Variants in TSR1 observed in about 807,000 individuals in gnomAD.
TSR1 encodes TSR1 ribosome maturation factor.
In TSR1, 81 loss-of-function variants were observed where a neutral mutation model predicts 90.9. The observed-to-expected ratio is 0.89, with a 90% CI of 0.74 to 1.07. The LOEUF (loss-of-function observed/expected upper bound fraction) is 1.07. Among genes scored for constraint, TSR1 ranks in the 50% least tolerant of loss-of-function variants. TSR1 has a pLI of 0.00. For missense variants in TSR1, 989 were observed against 987.3 expected (o/e 1.00, Z -0.02); for synonymous variants, 362 against 348.8 (o/e 1.04, Z -0.42).
intron 7 of TSR1, 82 bp from the exon 8 acceptor site, chr17:2,332,441 A>T: frequency 8.6e-7 from 1 of 1,165,580 alleles, no homozygotes; most frequent in Non-Finnish European, 1.2e-6. Context: ...GAGTAAAATA[A>T]TTGTACTAGA....
rs2075555726 is a variant in TSR1 at position 2,323,808 on chromosome 17, A to C, written c.*388T>G. 7 of 1,614,004 alleles carry C rather than the reference A, an allele frequency of 4.3e-6. No homozygotes were observed. The highest frequency in any genetic ancestry group is 5.9e-6 in the Non-Finnish European group (7 of 1,180,040). ...GCTCAGTGGTGGAAATGTAGACTTA[A>C]CCTCCTCCATAACTTGGGTGAAGCA... is the stretch of plus-strand genomic sequence containing the variant. On this transcript the variant is annotated 3_prime_UTR_variant, in exon 15 of 15. Coordinates refer to ENST00000301364, the MANE Select transcript of TSR1 (RefSeq NM_018128.5).
chr17:2,323,798 T>G lies in TSR1; in HGVS notation c.*398A>C, dbSNP rs1249722026. On this transcript the variant is annotated 3_prime_UTR_variant, in exon 15 of 15. Transcript: ENST00000301364. ...TTTGTATTGTGCTCAGTGGTGGAAATGTAGACTTAACCTCCTCCATAACTT... is the reference window on the plus strand; with the variant it reads ...TTTGTATTGTGCTCAGTGGTGGAAAGGTAGACTTAACCTCCTCCATAACTT... 1 of 1,614,182 alleles carries G rather than the reference T, an allele frequency of 6.2e-7. No individual in the cohort carries two copies. The highest frequency in any genetic ancestry group is 2.2e-5 in the East Asian group (1 of 44,882).
chr17:2,325,643 G>A lies in TSR1; in HGVS notation c.1904-223C>T, dbSNP rs187393945. Among the ~76,000 whole-genome samples the A allele has an allele frequency of 7.8e-4, 117 of 149,154 alleles. 1 individual carries two copies. Among genetic ancestry groups the A allele is most frequent in the Non-Finnish European group, 1.4e-3 (92 of 67,554 alleles). On this transcript the variant is annotated intron_variant, in intron 11 of 14. Coordinates refer to ENST00000301364, the MANE Select transcript of TSR1 (RefSeq NM_018128.5). ...TTCTTTTTTTTTGAGTTTGAGTATC[G>A]TTCCTGTCACCCAGGCTGGAATGCA...
chr17:2,324,335 A>C lies in TSR1; in HGVS notation c.2276T>G (p.Leu759Arg), dbSNP rs201986401. 3.8e-4 allele frequency: 592 copies of C among 1,564,064 alleles called. No homozygotes were observed. The highest frequency in any genetic ancestry group is 4.5e-4 in the Non-Finnish European group (517 of 1,158,828). ...CATCAGTACTGTGTCTTGAGATTTT[A>C]GCTTCCCATCAAAGCTGCATTTCAT... The part of the protein sequence containing the change: ...GHMKCSFDGK[L>R]KSQDTVLMNL... The change falls in exon 15 of 15, where the codon CTA (leucine) becomes CGA (arginine). Residue 759 changes from leucine to arginine, a missense_variant. By Grantham distance (102) the Leu-to-Arg change is moderately radical (BLOSUM62 -2). Coordinates refer to ENST00000301364, the MANE Select transcript of TSR1 (RefSeq NM_018128.5).
At position 2,322,731 on chromosome 17, in the gene TSR1, T is replaced by C. The variant is rs770586229; in HGVS notation, c.*1465A>G. ...CGGGGTTTCACCGTGTTAGCCAGGA[T>C]GGTCTTGATCTCCCTACCTCGTGAT... On this transcript the variant is annotated 3_prime_UTR_variant, in exon 15 of 15. Transcript: ENST00000301364. 49 of 172,180 alleles carry C rather than the reference T, an allele frequency of 2.8e-4. No individual in the cohort carries two copies. The highest frequency in any genetic ancestry group is 5.9e-4 in the Non-Finnish European group (48 of 80,814). The allele number at this position is 172,180 out of a possible 1,614,324, so 10.7% of individuals were successfully genotyped here.
Position 2,334,390 on chromosome 17 carries a change from T to C in TSR1, c.981+82A>G, listed in dbSNP as rs2064029603. 1.5e-5 allele frequency: 22 copies of C among 1,425,954 alleles called. No homozygotes were observed. In the South Asian group the frequency reaches 1.8e-4, roughly 12 times the overall value. The allele number at this position is 1,425,954 out of a possible 1,614,324, so 88.3% of individuals were successfully genotyped here. A position where few individuals can be genotyped will look rare whatever the true frequency, so the allele number is the denominator to read the frequency against. On this transcript the variant is annotated intron_variant, in intron 5 of 14. Transcript: ENST00000301364. ...CTAGCAGTCTCCTCATTCACCTAAG[T>C]GTACAGACTATCTTCTCTGAATTTA...
At chr17:2,331,448 A>G (rs151309469) in intron 8 of TSR1, among the ~76,000 whole-genome samples, 48 of 152,258 alleles carry the variant, frequency 3.2e-4, no homozygotes, top group African/African-American at 1.2e-3. Flanking sequence ...AGGTTTTCTC[A>G]TGAGTGGGTT....
chr17:2,334,993 C>A, intron 4 of TSR1, 97 bp from the exon 5 acceptor site: 1 of 1,343,474 alleles, frequency 7.4e-7, no homozygotes, highest in East Asian at 2.3e-5. Context: ...GTTGCAAGCC[C>A]AGAGATCACT....
At chr17:2,330,114 C>T (rs2075596192) in intron 10 of TSR1, 2 of 370,446 alleles carry the variant, frequency 5.4e-6, no homozygotes, top group Non-Finnish European at 5.3e-6. Flanking sequence ...AGACAGGGTT[C>T]CTCCATGTTG....
chr17:2,335,702 C>A lies in TSR1; in HGVS notation c.230G>T (p.Gly77Val). The change falls in exon 3 of 15, where the codon GGC (glycine) becomes GTC (valine). Residue 77 changes from glycine to valine, a missense_variant. Transcript: ENST00000301364. ...AVLAEKRQLG[G>V]KDGPPHQVLV... The stretch of plus-strand genomic sequence containing the variant: ...TACCTGATGAGGAGGGCCATCCTTG[C>A]CACCCAGCTGTCTCTTCTCTGCCAG... The A allele has an allele frequency of 6.2e-7, 1 of 1,613,584 alleles. No individual in the cohort carries two copies. The highest frequency in any genetic ancestry group is 1.3e-5 in the African/African-American group (1 of 75,034).
Position 2,335,341 on chromosome 17 carries a change from G to A in TSR1, c.475C>T (p.Leu159Phe), listed in dbSNP as rs557649060. 1 of 1,613,844 alleles carries A rather than the reference G, an allele frequency of 6.2e-7. No homozygotes were observed. The highest frequency in any genetic ancestry group is 2.2e-5 in the East Asian group (1 of 44,860). The change falls in exon 4 of 15, where the codon CTC (leucine) becomes TTC (phenylalanine). Residue 159 changes from leucine (L) to phenylalanine (F), a missense_variant. Physicochemically the swap from Leu to Phe is conservative, Grantham distance 22 (BLOSUM62 0). Transcript: ENST00000301364. Reference sequence around the variant, plus strand: ...TCCCAGCCTTCTAGTGGATCAAGGAGGAACAGGATGGTATCAGCTACTTTA... The same window carrying A: ...TCCCAGCCTTCTAGTGGATCAAGGAAGAACAGGATGGTATCAGCTACTTTA... ...MAKVADTILF[L>F]LDPLEGWDST...
chr17:2,324,835 G>C lies in TSR1; in HGVS notation c.2021-6C>G, dbSNP rs2075565645. 6.9e-6 allele frequency: 11 copies of C among 1,601,952 alleles called. No homozygotes were observed. The East Asian group carries it at 2.5e-4, about 36-fold the overall frequency. Reference sequence around the variant, plus strand: ...AGCAATGAGGCTGTGCATTCCTAAAGGACAAAAGCAAAGAAGCTATTTAGG... The same window carrying C: ...AGCAATGAGGCTGTGCATTCCTAAACGACAAAAGCAAAGAAGCTATTTAGG... On this transcript the variant is annotated splice_polypyrimidine_tract_variant and splice_region_variant and intron_variant, in intron 12 of 14. Coordinates refer to ENST00000301364, the MANE Select transcript of TSR1 (RefSeq NM_018128.5).
chr17:2,323,077 T>C lies in TSR1; in HGVS notation c.*1119A>G, dbSNP rs1293276820. 2.6e-6 allele frequency: 4 copies of C among 1,556,324 alleles called. No homozygotes were observed. The highest frequency in any genetic ancestry group is 2.7e-5 in the African/African-American group (2 of 73,674). ...ACCACACCAGGCCCATATTTTCTTT[T>C]AGACATGCAGGCAATGTTGTGGTTT... On this transcript the variant is annotated 3_prime_UTR_variant, in exon 15 of 15. Coordinates refer to ENST00000301364, the MANE Select transcript of TSR1 (RefSeq NM_018128.5).
chr17:2,330,189 GGGATTACAGGCGTGAGCC>G, intron 10 of TSR1: 3 of 471,808 alleles, frequency 6.4e-6, no homozygotes, highest in Non-Finnish European at 1.3e-5. Context: ...AAAAAGTGCT[GGGATTACAGGCGTGAGCC>G]GCCGCGCCCA....
In TSR1 at chr17:2,333,100, A is replaced by T; in HGVS notation, c.1166T>A (p.Val389Glu). ...TGTTCCTTTGGGGACCTTCTTTACC[A>T]CCTTAGAACTTTCCTTCAAGAAATC... ...AKDFLKESSK[V>E]VKKVPKGTSS... The change falls in exon 7 of 15, where the codon GTG (valine) becomes GAG (glutamate). Residue 389 changes from valine to glutamate, a missense_variant. Coordinates refer to ENST00000301364, the MANE Select transcript of TSR1 (RefSeq NM_018128.5). The T allele has an allele frequency of 6.2e-7, 1 of 1,612,942 alleles. No homozygotes were observed. The highest frequency in any genetic ancestry group is 8.5e-7 in the Non-Finnish European group (1 of 1,179,604).
At chr17:2,329,922 CTT>C (rs879573174) in intron 10 of TSR1, among the ~76,000 whole-genome samples, 6 of 146,338 alleles carry the variant, frequency 4.1e-5, no homozygotes, top group African/African-American at 2.5e-5. Context: ...TTGGCATAAA[CTT>C]TTTTTTTTTT....
Position 2,323,006 on chromosome 17 carries a change from C to T in TSR1, c.*1190G>A. The T allele has an allele frequency of 1.1e-6, 1 of 879,852 alleles. No individual in the cohort carries two copies. Among genetic ancestry groups the T allele is most frequent in the Admixed American group, 2.3e-5 (1 of 42,796 alleles). 54.5% of individuals were successfully genotyped at this position (879,852 alleles called of 1,614,324 possible). ...TCTTGAACTCCTGACCTCAGCTGAT[C>T]CACCCGCCTCGGGCTCCCAAAGTGT... is the stretch of plus-strand genomic sequence containing the variant. On this transcript the variant is annotated 3_prime_UTR_variant, in exon 15 of 15. Transcript: ENST00000301364.
chr17:2,324,690 T>A lies in TSR1; in HGVS notation c.2160A>T (p.Arg720Ser). Residue 720 changes from arginine (R) to serine (S), a missense_variant and splice_region_variant, in exon 13 of 15, where the codon AGA (arginine) becomes AGT (serine). Arg to Ser is a moderately radical substitution (Grantham distance 110). Coordinates refer to ENST00000301364, the MANE Select transcript of TSR1 (RefSeq NM_018128.5). ...CCCATCCTCCTCCTTCATACCCACCTCTGTTGAAGAACATGTAACGTACTA... is the reference window on the plus strand; with the variant it reads ...CCCATCCTCCTCCTTCATACCCACCACTGTTGAAGAACATGTAACGTACTA... ...MAVVRYMFFN[R>S]EDVLWFKPVE... 1 of 1,614,136 alleles carries A rather than the reference T, an allele frequency of 6.2e-7. No individual in the cohort carries two copies. Among genetic ancestry groups the A allele is most frequent in the Non-Finnish European group, 8.5e-7 (1 of 1,180,036 alleles).
chr17:2,324,723 C>T lies in TSR1; in HGVS notation c.2127G>A (p.Lys709=). The T allele has an allele frequency of 6.2e-7, 1 of 1,614,186 alleles. No individual in the cohort carries two copies. Among genetic ancestry groups the T allele is most frequent in the Non-Finnish European group, 8.5e-7 (1 of 1,180,034 alleles). ...LSGHPFKIFT[K]MAVVRYMFFN... ...AGAACATGTAACGTACTACTGCCATCTTAGTAAAAATTTTGAAAGGATGAC... is the reference window on the plus strand; with the variant it reads ...AGAACATGTAACGTACTACTGCCATTTTAGTAAAAATTTTGAAAGGATGAC... Residue 709 remains lysine (K), a synonymous_variant, in exon 13 of 15, where the codon AAG becomes AAA. Transcript: ENST00000301364.
Sources: allele counts gnomAD v4.1 joint callset (sites outside exome capture counted in the v4.1 genomes callset), GRCh38; gene constraint gnomAD v4.1.1; transcripts MANE v1.5; gene names NCBI Gene and HGNC (gene_info 2026-07-23, HGNC 2026-07-21).